Variants in CACNA2D3 observed in about 807,000 individuals in gnomAD.
CACNA2D3 encodes the protein voltage-dependent calcium channel subunit alpha-2/delta-3.
In CACNA2D3, 60 loss-of-function variants were observed where a neutral mutation model predicts 160.6. The observed-to-expected ratio is 0.37, with a 90% confidence interval of 0.30 to 0.46. The LOEUF is 0.46. Ranked by LOEUF, CACNA2D3 falls within the 20% of genes least tolerant of loss-of-function variation. The pLI is 1.00. For missense variants in CACNA2D3, 1,205 were observed against 1,365.0 expected (o/e 0.88, Z 1.85); for synonymous variants, 558 against 492.9 (o/e 1.13, Z -1.75).
At chr3:54,304,330 A>G (rs1168053139) in intron 2 of CACNA2D3, among the ~76,000 whole-genome samples, 1 of 152,098 alleles carries the variant, frequency 6.6e-6, no homozygotes, top group Non-Finnish European at 1.5e-5. Context: ...GTGTGTTTGT[A>G]TGAGGGCCCC....
intron 14 of CACNA2D3, among the ~76,000 whole-genome samples, chr3:54,831,925 T>C (rs1267918365): frequency 2.0e-5 from 3 of 152,008 alleles, no homozygotes; most frequent in Non-Finnish European, 2.9e-5. Flanking sequence ...GAATTGATCT[T>C]GGGAATGAAG....
At chr3:54,722,648 C>T (rs191661955) in intron 11 of CACNA2D3, among the ~76,000 whole-genome samples, 42 of 152,258 alleles carry the variant, frequency 2.8e-4, no homozygotes, top group South Asian at 2.1e-4. Flanking sequence ...ACAGTCAGGC[C>T]GCTCAGCTGC....
intron 2 of CACNA2D3, among the ~76,000 whole-genome samples, chr3:54,300,061 A>G (rs1703439620): frequency 6.6e-6 from 1 of 152,236 alleles, no homozygotes; most frequent in African/African-American, 2.4e-5. Context: ...CAAAGAGGTT[A>G]GTTTAAAAGT....
intron 2 of CACNA2D3, among the ~76,000 whole-genome samples, chr3:54,186,381 T>C (rs1161607983): frequency 2.0e-5 from 3 of 152,132 alleles, no homozygotes; most frequent in Admixed American, 1.3e-4. Flanking sequence ...TCCCAAGATA[T>C]ATGCATCTTG....
chr3:54,219,367 C>T (rs567477520), intron 2 of CACNA2D3, among the ~76,000 whole-genome samples: 2 of 152,158 alleles, frequency 1.3e-5, no homozygotes, highest in African/African-American at 4.8e-5. Context: ...TGACTTGCAC[C>T]TATTCATTTG....
intron 3 of CACNA2D3, among the ~76,000 whole-genome samples, chr3:54,380,855 A>T (rs1030948392): frequency 1.3e-5 from 2 of 152,178 alleles, no homozygotes; most frequent in South Asian, 4.1e-4. Context: ...ATTTTTCTAC[A>T]CATTGAACTC....
At chr3:54,229,755 G>A (rs1379058179) in intron 2 of CACNA2D3, among the ~76,000 whole-genome samples, 4 of 152,034 alleles carry the variant, frequency 2.6e-5, no homozygotes, top group East Asian at 1.9e-4. Flanking sequence ...CCAGTTTCCC[G>A]CTAGAGTATC....
chr3:54,592,822 A>G, intron 9 of CACNA2D3, among the ~76,000 whole-genome samples: 1 of 152,182 alleles, frequency 6.6e-6, no homozygotes, highest in East Asian at 1.9e-4. Context: ...AGTCACTAAA[A>G]CTTCATAAAC....
intron 11 of CACNA2D3, among the ~76,000 whole-genome samples, chr3:54,694,247 G>A (rs2106937373): frequency 6.6e-6 from 1 of 152,306 alleles, no homozygotes; most frequent in South Asian, 2.1e-4. Flanking sequence ...ACAGTATTCA[G>A]TAGTCACATG....
chr3:54,165,118 T>C (rs1351981568), intron 2 of CACNA2D3, among the ~76,000 whole-genome samples: 1 of 131,998 alleles, frequency 7.6e-6, no homozygotes, highest in East Asian at 2.0e-4. Flanking sequence ...AATCTCATTT[T>C]TTTTTTTTTT....
At chr3:54,153,221 T>C (rs1257756220) in intron 2 of CACNA2D3, among the ~76,000 whole-genome samples, 1 of 151,960 alleles carries the variant, frequency 6.6e-6, no homozygotes, top group Non-Finnish European at 1.5e-5. Context: ...ATGACAGTGC[T>C]CTCCTGGGGA....
At chr3:54,439,107 T>C (rs1440165806) in intron 4 of CACNA2D3, among the ~76,000 whole-genome samples, 1 of 152,182 alleles carries the variant, frequency 6.6e-6, no homozygotes, top group Non-Finnish European at 1.5e-5. Flanking sequence ...GCAGCCTCAC[T>C]GCTCTCCTCA....
chr3:54,707,518 C>A (rs904573016), intron 11 of CACNA2D3, among the ~76,000 whole-genome samples: 3 of 152,066 alleles, frequency 2.0e-5, no homozygotes, highest in Non-Finnish European at 2.9e-5. Context: ...GGGAAGGAGG[C>A]CTTGAATGAG....
intron 2 of CACNA2D3, among the ~76,000 whole-genome samples, chr3:54,183,710 C>A (rs1394719999): frequency 6.6e-6 from 1 of 151,390 alleles, no homozygotes; most frequent in African/African-American, 2.4e-5. Context: ...CATGGTGAAA[C>A]CCCGTCTCTA....
intron 11 of CACNA2D3, among the ~76,000 whole-genome samples, chr3:54,663,540 C>A (rs1700008222): frequency 1.3e-5 from 2 of 152,182 alleles, no homozygotes; most frequent in African/African-American, 2.4e-5. Context: ...TGGAATTGAT[C>A]CCAGATAAGA....
At chr3:54,907,182 A>G (rs1304856775) in intron 27 of CACNA2D3, among the ~76,000 whole-genome samples, 1 of 152,202 alleles carries the variant, frequency 6.6e-6, no homozygotes, top group African/African-American at 2.4e-5. Context: ...CACTTCTTTT[A>G]GAGGTCATGG....
intron 11 of CACNA2D3, among the ~76,000 whole-genome samples, chr3:54,750,736 A>G (rs1417834024): frequency 6.6e-6 from 1 of 150,978 alleles, no homozygotes; most frequent in Non-Finnish European, 1.5e-5. Context: ...AAGGAGGGTC[A>G]GTGGTAATCA....
At chr3:54,705,658 G>T (rs1285536943) in intron 11 of CACNA2D3, among the ~76,000 whole-genome samples, 1 of 152,096 alleles carries the variant, frequency 6.6e-6, no homozygotes, top group Non-Finnish European at 1.5e-5. Flanking sequence ...TCAACAGTTT[G>T]GGCCTCCCAA....
At chr3:54,318,288 G>T (rs1012784909) in intron 2 of CACNA2D3, among the ~76,000 whole-genome samples, 1 of 152,070 alleles carries the variant, frequency 6.6e-6, no homozygotes, top group African/African-American at 2.4e-5. Flanking sequence ...GGACAGCTTT[G>T]GTGGGGAGAG....
Sources: allele counts gnomAD v4.1 joint callset (sites outside exome capture counted in the v4.1 genomes callset), GRCh38; gene constraint gnomAD v4.1.1; transcripts MANE v1.5; gene names NCBI Gene and HGNC (gene_info 2026-07-23, HGNC 2026-07-21).